ECD: variants seen among roughly 807,000 people sequenced by gnomAD.
ECD encodes the protein protein ecdysoneless homolog.
Under a neutral mutation model 77.2 loss-of-function variants are expected in ECD, and 59 were observed. That is an observed-to-expected ratio of 0.76 (90% CI 0.62 to 0.95). The LOEUF (loss-of-function observed/expected upper bound fraction) is 0.95, where lower values mean the gene tolerates loss of function less well. Among genes scored for constraint, ECD ranks in the 40% least tolerant of loss-of-function variants. The pLI, the probability that ECD is intolerant of heterozygous loss-of-function variation, is 0.00. For synonymous variants in ECD, 233 were observed against 267.4 expected (o/e 0.87, Z 1.26); for missense variants, 704 against 763.4 (o/e 0.92, Z 0.92).
intron 2 of ECD, among the ~76,000 whole-genome samples, chr10:73,163,416 C>A (rs1157874856): frequency 6.6e-6 from 1 of 152,046 alleles, no homozygotes; most frequent in Non-Finnish European, 1.5e-5. Flanking sequence ...AAGCCAGATG[C>A]CTGAAACTAT....
chr10:73,154,199 A>G lies in ECD; in HGVS notation c.783+57T>C. ...AGAAATGTAAAAAGAAAAAAATAAT[A>G]ATGTTTCAACTCGGTTTCCAGTAAG... On this transcript the variant is annotated intron_variant, in intron 6 of 13. Coordinates refer to ENST00000372979, the MANE Select transcript of ECD (RefSeq NM_007265.3). 3.4e-6 allele frequency: 5 copies of G among 1,487,864 alleles called. No individual in the cohort carries two copies. The Admixed American group carries it at 1.2e-4, about 35-fold the overall frequency. 92.2% of individuals were successfully genotyped at this position (1,487,864 alleles called of 1,614,324 possible). A position where few individuals can be genotyped will look rare whatever the true frequency, so the allele number is the denominator to read the frequency against.
intron 9 of ECD, among the ~76,000 whole-genome samples, chr10:73,145,162 G>A (rs1337372920): frequency 1.3e-5 from 2 of 152,080 alleles, no homozygotes; most frequent in Admixed American, 6.6e-5. Flanking sequence ...TCAGGAGTTT[G>A]AGACCAGTCT....
chr10:73,157,001 T>G (rs1843305177), intron 3 of ECD, among the ~76,000 whole-genome samples: 1 of 151,486 alleles, frequency 6.6e-6, no homozygotes, highest in Non-Finnish European at 1.5e-5. Context: ...ATGTAGGAGG[T>G]GTTATTTGGG....
At chr10:73,155,276 C>T (rs1041270104) in intron 5 of ECD, among the ~76,000 whole-genome samples, 1 of 151,818 alleles carries the variant, frequency 6.6e-6, no homozygotes, top group East Asian at 2.0e-4. Context: ...CCATGTTGGT[C>T]AGGATGGTCT....
chr10:73,159,239 C>T (rs1843342865), intron 3 of ECD, among the ~76,000 whole-genome samples: 2 of 152,246 alleles, frequency 1.3e-5, no homozygotes, highest in South Asian at 4.1e-4. Context: ...GGAACGCCCT[C>T]TGCTGGCAAT....
chr10:73,140,340 C>T (rs1843037205), intron 9 of ECD, among the ~76,000 whole-genome samples: 1 of 151,222 alleles, frequency 6.6e-6, no homozygotes, highest in Non-Finnish European at 1.5e-5. Context: ...TCAAACAAAA[C>T]TTTTACCAGG....
chr10:73,140,369 G>A (rs1357688353), intron 9 of ECD, among the ~76,000 whole-genome samples: 2 of 151,978 alleles, frequency 1.3e-5, no homozygotes, highest in South Asian at 2.1e-4. Flanking sequence ...AATACAGAAG[G>A]GGTCAAAGAA....
intron 9 of ECD, among the ~76,000 whole-genome samples, chr10:73,140,856 A>G (rs1843047521): frequency 6.6e-6 from 1 of 151,486 alleles, no homozygotes; most frequent in Non-Finnish European, 1.5e-5. Flanking sequence ...ATATGTATAT[A>G]TATGTACATA....
At chr10:73,135,993 T>A (rs910267913) in intron 13 of ECD, among the ~76,000 whole-genome samples, 1 of 152,200 alleles carries the variant, frequency 6.6e-6, no homozygotes, top group African/African-American at 2.4e-5. Context: ...AGGCCTATTG[T>A]AGGTTTTACT....
At chr10:73,152,714 C>T (rs1189811490) in intron 6 of ECD, among the ~76,000 whole-genome samples, 1 of 151,800 alleles carries the variant, frequency 6.6e-6, no homozygotes, top group Non-Finnish European at 1.5e-5. Flanking sequence ...GAGTTTGAGA[C>T]CAGCCTGGCC....
At chr10:73,146,143 T>C (rs1168273686) in intron 9 of ECD, 133 bp downstream of exon 9, 13 of 301,216 alleles carry the variant, frequency 4.3e-5, no homozygotes, top group Non-Finnish European at 6.5e-5. Flanking sequence ...GAGGCGGAGG[T>C]TGCCAGCCTG....
chr10:73,160,283 C>CAAA, intron 3 of ECD, 151 bp downstream of exon 3: 68 of 293,146 alleles, frequency 2.3e-4, no homozygotes, highest in Non-Finnish European at 2.9e-4. Flanking sequence ...AAGACTGTCT[C>CAAA]AAAAAAAAAA....
At chr10:73,156,932 G>C (rs2133268684) in intron 3 of ECD, among the ~76,000 whole-genome samples, 1 of 151,790 alleles carries the variant, frequency 6.6e-6, no homozygotes, top group East Asian at 1.9e-4. Flanking sequence ...ATATACGAAA[G>C]TACTATAGGG....
chr10:73,151,417 ATC>A lies in ECD; in HGVS notation c.912+874_912+875del, dbSNP rs565716583. On this transcript the variant is annotated intron_variant, in intron 7 of 13. Coordinates refer to ENST00000372979, the MANE Select transcript of ECD (RefSeq NM_007265.3). Reference sequence around the variant, plus strand: ...GGGGAGGGACAGCATTAGGAGATATATCTAATATAAATGACGAGTTAATGGGT... The same window carrying A: ...GGGGAGGGACAGCATTAGGAGATATATAATATAAATGACGAGTTAATGGGT... 1.6e-3 allele frequency among the ~76,000 whole-genome samples: 247 copies of A among 151,604 alleles called. 3 individuals are homozygous for A. Among genetic ancestry groups the A allele is most frequent in the African/African-American group, 5.7e-3 (235 of 41,324 alleles).
At position 73,134,725 on chromosome 10, in the gene ECD, A is replaced by G; in HGVS notation, c.1793T>C (p.Leu598Pro). Reference protein sequence around the residue: ...ESVMAPVDVDLNLVSNILESY... With the variant: ...ESVMAPVDVDPNLVSNILESY... ...TTCCAATATATTTGAAACCAGGTTC[A>G]GGTCTACATCTACTGGTGCCATAAC... Residue 598 changes from leucine to proline, a missense_variant, in exon 14 of 14, where the codon CTG (leucine) becomes CCG (proline). This residue lies in a region of ECD where 142 missense variants were observed against 163.6 expected (regional missense o/e 0.87). Coordinates refer to ENST00000372979, the MANE Select transcript of ECD (RefSeq NM_007265.3). 1 of 1,614,204 alleles carries G rather than the reference A, an allele frequency of 6.2e-7. No homozygotes were observed.
intron 8 of ECD, among the ~76,000 whole-genome samples, chr10:73,147,220 G>A (rs916699091): frequency 2.6e-5 from 4 of 151,828 alleles, no homozygotes; most frequent in South Asian, 2.1e-4. Context: ...ACTGGCTTGC[G>A]TGACAAAGCA....
intron 7 of ECD, among the ~76,000 whole-genome samples, chr10:73,150,948 C>G (rs1843193702): frequency 6.6e-6 from 1 of 152,092 alleles, no homozygotes; most frequent in Non-Finnish European, 1.5e-5. Flanking sequence ...CTAGTTCAAC[C>G]ATTGTGGAAG....
At chr10:73,154,643 G>A (rs1843272725) in intron 5 of ECD, among the ~76,000 whole-genome samples, 195 bp from the exon 6 acceptor site, 1 of 152,078 alleles carries the variant, frequency 6.6e-6, no homozygotes. Flanking sequence ...GGAAGAAATG[G>A]AAAATAAAGA....
chr10:73,163,664 T>TTC, intron 2 of ECD, 69 bp downstream of exon 2: 1 of 1,476,658 alleles, frequency 6.8e-7, no homozygotes, highest in South Asian at 1.2e-5. Flanking sequence ...AAGCGTGGAC[T>TTC]ATTACACATC....
Sources: gnomAD v4.1 joint callset for allele counts (sites outside exome capture counted in the v4.1 genomes callset) on GRCh38, gnomAD v4.1.1 for gene constraint, gnomAD v4.1.1 regional missense constraint, MANE v1.5 for transcripts, NCBI Gene and HGNC (gene_info 2026-07-23, HGNC 2026-07-21) for gene names.